The following MECOM variants were observed in gnomAD, a reference collection of about 807,000 sequenced individuals.
MECOM encodes the protein MDS1 and EVI1 complex locus.
MECOM carries 13 observed loss-of-function variants against 116.3 expected under a neutral mutation model. That is an observed-to-expected ratio of 0.11 (90% CI 0.07 to 0.18). The LOEUF (loss-of-function observed/expected upper bound fraction) is 0.18, where lower values mean the gene tolerates loss of function less well. Ranked by LOEUF, MECOM falls within the 10% of genes least tolerant of loss-of-function variation. MECOM has a pLI of 1.00. For missense variants in MECOM, 1,299 were observed against 1,509.0 expected (o/e 0.86, Z 2.31); for synonymous variants, 528 against 535.2 (o/e 0.99, Z 0.19).
At chr3:169,240,146 C>A (rs1249931509) in intron 2 of MECOM, among the ~76,000 whole-genome samples, 1 of 152,194 alleles carries the variant, frequency 6.6e-6, no homozygotes, top group African/African-American at 2.4e-5. Flanking sequence ...TGAATACCAT[C>A]TATCTCCCCC....
At position 169,166,151 on chromosome 3, in the gene MECOM, T is replaced by C. The variant is rs572106701; in HGVS notation, c.376-22319A>G. The stretch of plus-strand genomic sequence containing the variant: ...CATAGGTAACGCTTGCAGCAGCGGT[T>C]GCTGACAGAATTTATTCTTGAATGA... On this transcript the variant is annotated intron_variant, in intron 2 of 16. Transcript: ENST00000651503. Among the ~76,000 whole-genome samples, 3 of 152,320 alleles carry C rather than the reference T, an allele frequency of 2.0e-5. No individual in the cohort carries two copies. The East Asian group carries it at 5.8e-4, about 29-fold the overall frequency.
chr3:169,617,151 C>A (rs571545675), intron 1 of MECOM, among the ~76,000 whole-genome samples: 1 of 151,834 alleles, frequency 6.6e-6, no homozygotes, highest in African/African-American at 2.4e-5. Context: ...TGGCTTTCCC[C>A]CTCACAAAAA....
chr3:169,382,868 AAAAAAT>A lies in MECOM; in HGVS notation c.38-1350_38-1345del, dbSNP rs1560205095. Among the ~76,000 whole-genome samples, 350 of 83,978 alleles carry A rather than the reference AAAAAAT, an allele frequency of 4.2e-3. 23 individuals carry two copies. The highest frequency in any genetic ancestry group is 7.3e-3 in the African/African-American group (174 of 23,766). 55.1% of individuals were successfully genotyped at this position (83,978 alleles called of 152,430 possible). ...CCATCTCAAAAAAAAAAAAAAATAAAAAAAATAAAAAAAGAAGGTAAAATGGGTTGC... is the reference window on the plus strand; with the variant it reads ...CCATCTCAAAAAAAAAAAAAAATAAAAAAAAAAGAAGGTAAAATGGGTTGC... On this transcript the variant is annotated intron_variant, in intron 1 of 16. Coordinates refer to ENST00000651503, the MANE Select transcript of MECOM (RefSeq NM_004991.4).
chr3:169,543,569 A>G (rs1414046384), intron 1 of MECOM, among the ~76,000 whole-genome samples: 2 of 152,222 alleles, frequency 1.3e-5, no homozygotes, highest in Non-Finnish European at 2.9e-5. Context: ...GCAAGACCCT[A>G]TCTCTGGAGG....
chr3:169,108,541 G>A (rs1340659895), intron 9 of MECOM, among the ~76,000 whole-genome samples: 1 of 152,128 alleles, frequency 6.6e-6, no homozygotes, highest in African/African-American at 2.4e-5. Context: ...GAGTCACTGG[G>A]AAAACCTTCA....
Position 169,523,267 on chromosome 3 carries a change from G to A in MECOM, c.37+140069C>T, listed in dbSNP as rs1041001603. Among the ~76,000 whole-genome samples, 13 of 152,134 alleles carry A rather than the reference G, an allele frequency of 8.5e-5. No homozygotes were observed. The South Asian group carries it at 2.7e-3, about 32-fold the overall frequency. ...ATAAAGGGTCTTGGGAAGTGCCTCT[G>A]TCCTCCCTTCTGGGGCCTATAAAGA... On this transcript the variant is annotated intron_variant, in intron 1 of 16. Transcript: ENST00000651503.
intron 3 of MECOM, 58 bp from the exon 4 acceptor site, chr3:169,131,589 A>G (rs1734729203): frequency 7.5e-7 from 1 of 1,329,328 alleles, no homozygotes; most frequent in African/African-American, 1.5e-5. Context: ...TATATATATT[A>G]ACAAAGGGCA....
At chr3:169,345,842 G>A (rs373296992) in intron 2 of MECOM, among the ~76,000 whole-genome samples, 5 of 152,042 alleles carry the variant, frequency 3.3e-5, no homozygotes, top group Non-Finnish European at 5.9e-5. Flanking sequence ...GACATGGCAC[G>A]ATAAAGTAAC....
intron 1 of MECOM, among the ~76,000 whole-genome samples, chr3:169,444,191 C>G (rs1337639750): frequency 6.6e-6 from 1 of 152,168 alleles, no homozygotes; most frequent in Non-Finnish European, 1.5e-5. Context: ...ACTCTCAGTT[C>G]TCACATCAAG....
At chr3:169,436,298 T>C (rs1742632121) in intron 1 of MECOM, among the ~76,000 whole-genome samples, 2 of 141,670 alleles carry the variant, frequency 1.4e-5, no homozygotes, top group Admixed American at 1.6e-4. Flanking sequence ...TTGCCCAGGC[T>C]GGAATACAAT....
intron 1 of MECOM, among the ~76,000 whole-genome samples, chr3:169,623,340 T>C (rs1299229482): frequency 6.6e-6 from 1 of 152,210 alleles, no homozygotes; most frequent in Non-Finnish European, 1.5e-5. Flanking sequence ...TACTAAATGA[T>C]AACACTTCAC....
At chr3:169,209,588 C>G (rs2149470425) in intron 2 of MECOM, among the ~76,000 whole-genome samples, 1 of 152,118 alleles carries the variant, frequency 6.6e-6, no homozygotes, top group Non-Finnish European at 1.5e-5. Flanking sequence ...ATGTGGCTAA[C>G]AAACATAGGA....
intron 1 of MECOM, among the ~76,000 whole-genome samples, chr3:169,491,449 A>G (rs1753081260): frequency 1.3e-5 from 2 of 152,216 alleles, no homozygotes; most frequent in Admixed American, 6.5e-5. Context: ...ATATACATAC[A>G]GACACTAACA....
chr3:169,206,866 AGTGAAT>A (rs761347817), intron 2 of MECOM, among the ~76,000 whole-genome samples: 11 of 152,140 alleles, frequency 7.2e-5, no homozygotes, highest in Non-Finnish European at 1.5e-4. Flanking sequence ...AGATGATTCT[AGTGAAT>A]ATCCAGAGTT....
chr3:169,219,485 C>CGACA (rs1751845002), intron 2 of MECOM, among the ~76,000 whole-genome samples: 1 of 152,012 alleles, frequency 6.6e-6, no homozygotes, highest in African/African-American at 2.4e-5. Context: ...CCAGCCTGGG[C>CGACA]GACAGAGCGA....
intron 1 of MECOM, among the ~76,000 whole-genome samples, chr3:169,621,989 G>C (rs1770791791): frequency 6.6e-6 from 1 of 152,070 alleles, no homozygotes; most frequent in South Asian, 2.1e-4. Flanking sequence ...ATAAAACATT[G>C]GCCATCAAGT....
chr3:169,614,427 G>A (rs1769726008), intron 1 of MECOM, among the ~76,000 whole-genome samples: 2 of 151,976 alleles, frequency 1.3e-5, no homozygotes, highest in African/African-American at 4.8e-5. Flanking sequence ...ATAAACAAAT[G>A]CCCAACATTA....
chr3:169,191,740 GAGAAAGAAAGAA>G (rs71166250), intron 2 of MECOM, among the ~76,000 whole-genome samples: 60 of 64,316 alleles, frequency 9.3e-4, no homozygotes, highest in South Asian at 6.7e-3. Context: ...AAGAAAGAAA[GAGAAAGAAAGAA>G]AGAAAGAAAG....
chr3:169,307,107 A>C (rs1220279960), intron 2 of MECOM, among the ~76,000 whole-genome samples: 1 of 152,170 alleles, frequency 6.6e-6, no homozygotes, highest in East Asian at 1.9e-4. Context: ...ATCATTGGGC[A>C]TGGTTCCATT....
Sources: allele counts gnomAD v4.1 joint callset (sites outside exome capture counted in the v4.1 genomes callset), GRCh38; gene constraint gnomAD v4.1.1; transcripts MANE v1.5; gene names NCBI Gene and HGNC (gene_info 2026-07-23, HGNC 2026-07-21).